NOCT: variants seen among roughly 807,000 people sequenced by gnomAD.
NOCT encodes the protein nocturnin.
In NOCT, 18 loss-of-function variants were observed where a neutral mutation model predicts 35.0. The ratio of observed to expected loss-of-function variants is 0.51; its 90% CI spans 0.36 to 0.76. The LOEUF (loss-of-function observed/expected upper bound fraction) is 0.76. Among genes scored for constraint, NOCT ranks in the 30% least tolerant of loss-of-function variants. The pLI, the probability that NOCT is intolerant of heterozygous loss-of-function variation, is 0.01. For synonymous variants in NOCT, 235 were observed against 226.3 expected (o/e 1.04, Z -0.34); for missense variants, 479 against 541.0 (o/e 0.89, Z 1.14).
At chr4:139,016,982 T>TTTTTTTTTG (rs1726323401) in intron 1 of NOCT, among the ~76,000 whole-genome samples, 1 of 150,104 alleles carries the variant, frequency 6.7e-6, no homozygotes, top group African/African-American at 2.5e-5. Context: ...TTTTTTTTTT[T>TTTTTTTTTG]GGAGGCTTCC....
rs1457744970 is a variant in NOCT at position 139,045,581 on chromosome 4, A to C, written c.*107A>C. ...GCCTAGGCTGGAGTACAGTGGCCTGATCTCGGCTCACTGCAAGATCCGCCT... is the reference window on the plus strand; with the variant it reads ...GCCTAGGCTGGAGTACAGTGGCCTGCTCTCGGCTCACTGCAAGATCCGCCT... On this transcript the variant is annotated 3_prime_UTR_variant, in exon 3 of 3. Transcript: ENST00000280614. 3 of 605,660 alleles carry C rather than the reference A, an allele frequency of 5.0e-6. No individual in the cohort carries two copies. Among genetic ancestry groups the C allele is most frequent in the Non-Finnish European group, 5.2e-6 (2 of 383,962 alleles). The allele number at this position is 605,660 out of a possible 1,614,324, so 37.5% of individuals were successfully genotyped here. A position where few individuals can be genotyped will look rare whatever the true frequency, so the allele number is the denominator to read the frequency against.
At chr4:139,041,846 T>C (rs912654207) in intron 1 of NOCT, among the ~76,000 whole-genome samples, 3 of 152,098 alleles carry the variant, frequency 2.0e-5, no homozygotes, top group Non-Finnish European at 4.4e-5. Context: ...AGTATACCAC[T>C]CAGTGAAGTT....
Position 139,045,509 on chromosome 4 carries a change from ATTTTTTTTTTTTTTTT to A in NOCT, c.*45_*60del. 2.7e-6 allele frequency: 1 copy of A among 377,166 alleles called. No individual in the cohort carries two copies. 23.4% of individuals were successfully genotyped at this position (377,166 alleles called of 1,614,324 possible). ...TTTGTCTTTTTAATCACAGGAGTCT[ATTTTTTTTTTTTTTTT>A]TTTTTTTTTGAGACAGAGTCTCGCT... On this transcript the variant is annotated 3_prime_UTR_variant, in exon 3 of 3. Coordinates refer to ENST00000280614, the MANE Select transcript of NOCT (RefSeq NM_012118.4).
intron 1 of NOCT, among the ~76,000 whole-genome samples, chr4:139,035,785 C>T (rs73852757): frequency 0.038 from 5,745 of 152,240 alleles, 345 homozygotes; most frequent in African/African-American, 0.13. Flanking sequence ...CCTCTCACTG[C>T]TTTTTCTCTG....
chr4:139,027,736 G>A (rs1726549666), intron 1 of NOCT, among the ~76,000 whole-genome samples: 1 of 152,092 alleles, frequency 6.6e-6, no homozygotes, highest in African/African-American at 2.4e-5. Flanking sequence ...CTGACCTCGT[G>A]ATCCGCCCGC....
At chr4:139,020,029 A>G (rs1193900807) in intron 1 of NOCT, among the ~76,000 whole-genome samples, 1 of 152,246 alleles carries the variant, frequency 6.6e-6, no homozygotes, top group East Asian at 1.9e-4. Context: ...ATGAGAGAGA[A>G]GAAACGGGAA....
intron 1 of NOCT, among the ~76,000 whole-genome samples, chr4:139,024,402 T>G (rs1726476170): frequency 6.6e-6 from 1 of 152,230 alleles, no homozygotes; most frequent in African/African-American, 2.4e-5. Context: ...TGAGATTTTC[T>G]GAAAATTTTT....
intron 1 of NOCT, among the ~76,000 whole-genome samples, chr4:139,017,634 A>G (rs1438381709): frequency 6.6e-6 from 1 of 151,448 alleles, no homozygotes; most frequent in Admixed American, 6.6e-5. Context: ...GTTCGTGACC[A>G]TCCTGGCCAA....
chr4:139,036,831 A>G (rs971821430), intron 1 of NOCT, among the ~76,000 whole-genome samples: 3 of 152,316 alleles, frequency 2.0e-5, no homozygotes, highest in Admixed American at 2.0e-4. Flanking sequence ...GATTGGATTA[A>G]ATTAAGAAGA....
Position 139,045,257 on chromosome 4 carries a change from C to T in NOCT, c.1079C>T (p.Pro360Leu). Residue 360 changes from proline to leucine, a missense_variant, in exon 3 of 3, where the codon CCA becomes CTA. This residue lies in a region of NOCT where 214 missense variants were observed against 284.0 expected (regional missense o/e 0.75). Transcript: ENST00000280614. Reference protein sequence around the residue: ...LLSADGQSEPPYTTWKIRTSG... With the variant: ...LLSADGQSEPLYTTWKIRTSG... ...AGTGCTGATGGGCAGTCAGAACCCC[C>T]ATACACTACCTGGAAGATCCGGACC... The T allele has an allele frequency of 6.2e-7, 1 of 1,614,186 alleles. No homozygotes were observed.
chr4:139,045,507 CTATTT>C lies in NOCT; in HGVS notation c.*35_*39del. ...CTTTTGTCTTTTTAATCACAGGAGT[CTATTT>C]TTTTTTTTTTTTTTTTTTTTTTGAG... On this transcript the variant is annotated 3_prime_UTR_variant, in exon 3 of 3. Coordinates refer to ENST00000280614, the MANE Select transcript of NOCT (RefSeq NM_012118.4). 1 of 411,264 alleles carries C rather than the reference CTATTT, an allele frequency of 2.4e-6. No homozygotes were observed. The highest frequency in any genetic ancestry group is 3.9e-6 in the Non-Finnish European group (1 of 258,798). 25.5% of individuals were successfully genotyped at this position (411,264 alleles called of 1,614,324 possible).
intron 1 of NOCT, among the ~76,000 whole-genome samples, chr4:139,022,860 C>G (rs1487161734): frequency 2.0e-5 from 3 of 151,918 alleles, no homozygotes; most frequent in Non-Finnish European, 4.4e-5. Flanking sequence ...TTTGGGAGGC[C>G]AAGGAGGTGG....
chr4:139,026,339 G>C (rs543832053), intron 1 of NOCT, among the ~76,000 whole-genome samples: 1 of 152,218 alleles, frequency 6.6e-6, no homozygotes, highest in Non-Finnish European at 1.5e-5. Flanking sequence ...GACCTCTGGT[G>C]ATCCACCCAT....
chr4:139,031,837 C>T (rs1385775073), intron 1 of NOCT, among the ~76,000 whole-genome samples: 3 of 151,928 alleles, frequency 2.0e-5, no homozygotes, highest in Admixed American at 2.0e-4. Flanking sequence ...CTCAGCCTCC[C>T]AAGTAGCTGG....
chr4:139,026,862 C>CTTT (rs1165378672), intron 1 of NOCT, among the ~76,000 whole-genome samples: 10 of 120,332 alleles, frequency 8.3e-5, no homozygotes, highest in African/African-American at 1.7e-4. Context: ...TTTTTTTTTT[C>CTTT]TTTTTTTTTT....
At chr4:139,032,003 AC>A (rs1726637178) in intron 1 of NOCT, among the ~76,000 whole-genome samples, 1 of 152,094 alleles carries the variant, frequency 6.6e-6, no homozygotes, top group Non-Finnish European at 1.5e-5. Context: ...GTGAGCTACC[AC>A]GCCCAGCCTC....
At chr4:139,041,895 C>G (rs775385387) in intron 1 of NOCT, among the ~76,000 whole-genome samples, 1 of 151,568 alleles carries the variant, frequency 6.6e-6, no homozygotes, top group Admixed American at 6.6e-5. Flanking sequence ...TTGATTTACA[C>G]TTAACATCTA....
Position 139,015,859 on chromosome 4 carries a change from G to C in NOCT, c.-123G>C. On this transcript the variant is annotated 5_prime_UTR_variant, in exon 1 of 3. Transcript: ENST00000280614. The stretch of plus-strand genomic sequence containing the variant: ...GATTTCCCCAGAACCTGCGCCGCGC[G>C]AGAAGGAGCCTGGGAGCATCCGCCC... 1.3e-6 allele frequency: 1 copy of C among 761,520 alleles called. No individual in the cohort carries two copies. 47.2% of individuals were successfully genotyped at this position (761,520 alleles called of 1,614,324 possible). A position where few individuals can be genotyped will look rare whatever the true frequency, so the allele number is the denominator to read the frequency against.
chr4:139,044,017 G>A (rs1726890105), intron 2 of NOCT: 2 of 142,732 alleles, frequency 1.4e-5, no homozygotes, highest in Admixed American at 1.4e-4. Context: ...CTTTGTTACA[G>A]TAGTAAGGAC....
Sources: gnomAD v4.1 joint callset for allele counts (sites outside exome capture counted in the v4.1 genomes callset) on GRCh38, gnomAD v4.1.1 for gene constraint, gnomAD v4.1.1 regional missense constraint, MANE v1.5 for transcripts, NCBI Gene and HGNC (gene_info 2026-07-23, HGNC 2026-07-21) for gene names.